Variants in DLG2 observed in about 807,000 individuals in gnomAD.
DLG2 encodes discs large MAGUK scaffold protein 2, also known as disks large homolog 2.
DLG2 carries 45 observed loss-of-function variants against 132.5 expected under a neutral mutation model. The observed-to-expected ratio is 0.34, with a 90% CI of 0.27 to 0.44. The LOEUF is 0.44. Among genes scored for constraint, DLG2 ranks in the 20% least tolerant of loss-of-function variants. DLG2 has a pLI of 1.00. For synonymous variants in DLG2, 424 were observed against 419.6 expected (o/e 1.01, Z -0.13); for missense variants, 1,045 against 1,196.9 (o/e 0.87, Z 1.87).
chr11:84,161,572 C>A (rs2095546491), intron 9 of DLG2, among the ~76,000 whole-genome samples: 1 of 152,038 alleles, frequency 6.6e-6, no homozygotes, highest in Non-Finnish European at 1.5e-5. Flanking sequence ...AGACTAGAAC[C>A]CACAGTTGTC....
intron 7 of DLG2, among the ~76,000 whole-genome samples, chr11:84,301,436 T>C (rs1268662223): frequency 6.6e-6 from 1 of 151,692 alleles, no homozygotes; most frequent in African/African-American, 2.4e-5. Context: ...GGTGGGTGGA[T>C]CACGAAGTCA....
intron 2 of DLG2, among the ~76,000 whole-genome samples, chr11:85,615,611 A>T (rs1016985665): frequency 4.6e-5 from 7 of 152,212 alleles, no homozygotes; most frequent in African/African-American, 1.7e-4. Context: ...AATAAATAAA[A>T]TTTGGAATTT....
intron 6 of DLG2, among the ~76,000 whole-genome samples, chr11:84,983,565 T>C (rs1286427936): frequency 6.6e-6 from 1 of 152,122 alleles, no homozygotes; most frequent in Non-Finnish European, 1.5e-5. Context: ...AAAACAACTC[T>C]GGTGATATGA....
intron 6 of DLG2, among the ~76,000 whole-genome samples, chr11:84,883,477 A>G (rs2087705973): frequency 6.6e-6 from 1 of 152,060 alleles, no homozygotes; most frequent in Non-Finnish European, 1.5e-5. Flanking sequence ...AAAAAATAAA[A>G]TAAAATACAT....
Position 85,100,058 on chromosome 11 carries a change from A to G in DLG2, c.357+11603T>C, listed in dbSNP as rs181495567. 8.5e-5 allele frequency among the ~76,000 whole-genome samples: 13 copies of G among 152,322 alleles called. No homozygotes were observed. In the East Asian group the frequency reaches 2.5e-3, roughly 29 times the overall value. Reference sequence around the variant, plus strand: ...CCTTTCAAAGATATAGAAATTGTAAAAGAAATCACCATCAGAAAAAAATTA... The same window carrying G: ...CCTTTCAAAGATATAGAAATTGTAAGAGAAATCACCATCAGAAAAAAATTA... On this transcript the variant is annotated intron_variant, in intron 6 of 27. Transcript: ENST00000376104.
intron 7 of DLG2, among the ~76,000 whole-genome samples, chr11:84,328,395 A>G (rs978128337): frequency 6.6e-6 from 1 of 152,142 alleles, no homozygotes; most frequent in Admixed American, 6.5e-5. Context: ...TAATTAAAAC[A>G]CATAGTAGGG....
intron 8 of DLG2, among the ~76,000 whole-genome samples, chr11:84,164,271 C>G (rs950007838): frequency 6.6e-6 from 1 of 152,190 alleles, no homozygotes; most frequent in Non-Finnish European, 1.5e-5. Flanking sequence ...TTAAAATAAT[C>G]TAACAAATAT....
At chr11:84,922,420 G>C (rs565822365) in intron 6 of DLG2, among the ~76,000 whole-genome samples, 1 of 152,286 alleles carries the variant, frequency 6.6e-6, no homozygotes, top group African/African-American at 2.4e-5. Context: ...TCGTGACAAG[G>C]GGTAAATCTC....
intron 18 of DLG2, among the ~76,000 whole-genome samples, chr11:83,743,616 T>C (rs949886915): frequency 6.6e-6 from 1 of 151,912 alleles, no homozygotes; most frequent in African/African-American, 2.4e-5. Context: ...GCATTTTCTG[T>C]AGAGATGGCA....
chr11:83,945,806 C>CTCTGTGTG (rs1555194132), intron 14 of DLG2, among the ~76,000 whole-genome samples: 1 of 136,290 alleles, frequency 7.3e-6, no homozygotes, highest in Non-Finnish European at 1.6e-5. Context: ...AGAAATGCCT[C>CTCTGTGTG]TGTGTGTGTG....
intron 6 of DLG2, among the ~76,000 whole-genome samples, chr11:85,076,510 T>C (rs7118119): frequency 0.24 from 37,069 of 151,872 alleles, 4,799 homozygotes; most frequent in Middle Eastern, 0.3. Context: ...TCTCAAATTT[T>C]AAGAGTGATG....
Position 84,100,448 on chromosome 11 carries a change from T to A in DLG2, c.625-1401A>T, listed in dbSNP as rs575908260. Among the ~76,000 whole-genome samples, 4 of 151,418 alleles carry A rather than the reference T, an allele frequency of 2.6e-5. No homozygotes were observed. The South Asian group carries it at 8.3e-4, about 31-fold the overall frequency. ...AGTCTCCTTTACTCCCCATCTCCCATCTCCACAGCTACATATGTTTTCATG... is the reference window on the plus strand; with the variant it reads ...AGTCTCCTTTACTCCCCATCTCCCAACTCCACAGCTACATATGTTTTCATG... On this transcript the variant is annotated intron_variant, in intron 9 of 27. Coordinates refer to ENST00000376104, the MANE Select transcript of DLG2 (RefSeq NM_001142699.3).
At chr11:83,824,159 A>G (rs2051748187) in intron 17 of DLG2, among the ~76,000 whole-genome samples, 1 of 152,120 alleles carries the variant, frequency 6.6e-6, no homozygotes, top group Non-Finnish European at 1.5e-5. Flanking sequence ...GCATATATTC[A>G]ATAAAGGTTA....
chr11:83,510,034 G>A (rs1047173907), intron 21 of DLG2, among the ~76,000 whole-genome samples: 1 of 152,208 alleles, frequency 6.6e-6, no homozygotes, highest in Non-Finnish European at 1.5e-5. Flanking sequence ...TCAGAGGCAA[G>A]ATTCCTGGCC....
At chr11:84,466,675 G>T (rs757946079) in intron 7 of DLG2, among the ~76,000 whole-genome samples, 14 of 151,200 alleles carry the variant, frequency 9.3e-5, no homozygotes, top group Non-Finnish European at 2.1e-4. Context: ...TTTCTAGTGG[G>T]GGTACTAAGT....
chr11:85,096,134 C>T (rs1014923322), intron 6 of DLG2, among the ~76,000 whole-genome samples: 7 of 152,126 alleles, frequency 4.6e-5, no homozygotes, highest in South Asian at 2.1e-4. Flanking sequence ...GTAAAATGGA[C>T]GAATCAGTGC....
intron 7 of DLG2, among the ~76,000 whole-genome samples, chr11:84,419,567 C>G (rs1002909180): frequency 2.6e-5 from 4 of 152,190 alleles, no homozygotes; most frequent in African/African-American, 7.2e-5. Flanking sequence ...ATGATCATTT[C>G]TCTTTCAAGA....
chr11:83,975,441 C>A (rs1235999636), intron 12 of DLG2, among the ~76,000 whole-genome samples: 1 of 151,928 alleles, frequency 6.6e-6, no homozygotes, highest in Non-Finnish European at 1.5e-5. Context: ...AGAACATATA[C>A]CATGTATTTG....
At chr11:85,144,347 G>A (rs1456816357) in intron 5 of DLG2, among the ~76,000 whole-genome samples, 1 of 100,624 alleles carries the variant, frequency 9.9e-6, no homozygotes, top group African/African-American at 4.2e-5. Context: ...ATATAATTGG[G>A]TCTTTTTTTT....
Sources: allele counts gnomAD v4.1 joint callset (sites outside exome capture counted in the v4.1 genomes callset), GRCh38; gene constraint gnomAD v4.1.1; transcripts MANE v1.5; gene names NCBI Gene and HGNC (gene_info 2026-07-23, HGNC 2026-07-21).